ZNF714: variants seen among roughly 807,000 people sequenced by gnomAD.
ZNF714 encodes zinc finger protein 714.
ZNF714 carries 32 observed loss-of-function variants against 46.2 expected under a neutral mutation model. The ratio of observed to expected loss-of-function variants is 0.69; its 90% CI spans 0.52 to 0.93. ZNF714 has a LOEUF of 0.93. Ranked by LOEUF, ZNF714 falls within the 40% of genes least tolerant of loss-of-function variation. The probability of loss-of-function intolerance (pLI) is 0.00; values close to 1 mark genes in which losing one functional copy is unlikely to be tolerated. For missense variants in ZNF714, 635 were observed against 646.3 expected, an observed-to-expected ratio of 0.98 and a Z score of 0.19; for synonymous variants, 199 against 213.1, an observed-to-expected ratio of 0.93 and a Z score of 0.58.
chr19:21,093,585 C>G (rs570616421), intron 2 of ZNF714, among the ~76,000 whole-genome samples: 1 of 152,048 alleles, frequency 6.6e-6, no homozygotes, highest in Admixed American at 6.5e-5. Context: ...AATCTTCCAT[C>G]ATGTTTACAT....
rs186022340 is a variant in ZNF714, at chr19:21,118,072, A to G, written c.1408A>G (p.Lys470Glu). The change falls in exon 5 of 5, where the codon AAA becomes GAA. Residue 470 changes from lysine to glutamate, a missense_variant. Coordinates refer to ENST00000456283, the MANE Select transcript of ZNF714 (RefSeq NM_182515.4). ...KAFNRSSNLT[K>E]HNIIHTGEKS... Reference sequence around the variant, plus strand: ...TTTCAACCGATCCTCAAACCTTACTAAACATAACATAATTCATACTGGAGA... The same window carrying G: ...TTTCAACCGATCCTCAAACCTTACTGAACATAACATAATTCATACTGGAGA... 1 of 1,613,984 alleles carries G rather than the reference A, an allele frequency of 6.2e-7. No individual in the cohort carries two copies. Among genetic ancestry groups the G allele is most frequent in the East Asian group, 2.2e-5 (1 of 44,888 alleles).
chr19:21,089,830 CAG>C (rs892328491), intron 2 of ZNF714, among the ~76,000 whole-genome samples: 1 of 124,682 alleles, frequency 8.0e-6, no homozygotes, highest in Non-Finnish European at 1.8e-5. Context: ...AGGAGATAAA[CAG>C]TAATTTTTTT....
chr19:21,092,815 A>G (rs972729351), intron 2 of ZNF714, among the ~76,000 whole-genome samples: 2 of 151,874 alleles, frequency 1.3e-5, no homozygotes, highest in African/African-American at 2.4e-5. Context: ...GCTCTTATCA[A>G]TGAGAACATG....
Position 21,098,200 on chromosome 19 carries a change from A to T in ZNF714, c.-69A>T. ...TGTTTTTCAGGAGACGTTGACATTT[A>T]GGGATGTGGCCATAGAATTCTCTCT... On this transcript the variant is annotated 5_prime_UTR_variant, in exon 3 of 5. Transcript: ENST00000456283. The T allele has an allele frequency of 6.2e-7, 1 of 1,611,328 alleles. No homozygotes were observed. Among genetic ancestry groups the T allele is most frequent in the South Asian group, 1.1e-5 (1 of 90,428 alleles).
rs975915892 is a variant in ZNF714, at chr19:21,116,825, C to T, written c.161C>T (p.Thr54Ile). Reference protein sequence around the residue: ...DESPAMCSSFTRDLWPEQDIK... With the variant: ...DESPAMCSSFIRDLWPEQDIK... ...CTTTCAGCTATGTGTTCTTCTTTTA[C>T]CAGAGACCTTTGGCCAGAGCAAGAC... The change falls in exon 5 of 5, where the codon ACC (threonine) becomes ATC (isoleucine). Residue 54 changes from threonine (T) to isoleucine (I), a missense_variant. Transcript: ENST00000456283. 3.1e-6 allele frequency: 5 copies of T among 1,596,520 alleles called. No individual in the cohort carries two copies. Among genetic ancestry groups the T allele is most frequent in the Non-Finnish European group, 4.3e-6 (5 of 1,174,854 alleles).
In ZNF714 at chr19:21,121,568, T is replaced by G. The variant is rs1257791649; in HGVS notation, c.*3236T>G. On this transcript the variant is annotated 3_prime_UTR_variant, in exon 5 of 5. Coordinates refer to ENST00000456283, the MANE Select transcript of ZNF714 (RefSeq NM_182515.4). ...TCACATAGAGTTAAATATGTATTAG[T>G]CTAAAGACAAACTTTAGGTGTAAGA... is the stretch of plus-strand genomic sequence containing the variant. 1.3e-5 allele frequency: 2 copies of G among 152,196 alleles called. No homozygotes were observed. The highest frequency in any genetic ancestry group is 2.9e-5 in the Non-Finnish European group (2 of 68,024). 9.4% of individuals were successfully genotyped at this position (152,196 alleles called of 1,614,324 possible).
chr19:21,122,488 T>C lies in ZNF714; in HGVS notation c.*4156T>C, dbSNP rs1412720994. ...AGCTGATTGTGGTGGCATCCACCTGTAGCCCAGCTACTCAGGAGGCTGAGG... is the reference window on the plus strand; with the variant it reads ...AGCTGATTGTGGTGGCATCCACCTGCAGCCCAGCTACTCAGGAGGCTGAGG... On this transcript the variant is annotated 3_prime_UTR_variant, in exon 5 of 5. Coordinates refer to ENST00000456283, the MANE Select transcript of ZNF714 (RefSeq NM_182515.4). 6.6e-6 allele frequency: 1 copy of C among 152,180 alleles called. No individual in the cohort carries two copies. The highest frequency in any genetic ancestry group is 1.5e-5 in the Non-Finnish European group (1 of 68,062). The allele number at this position is 152,180 out of a possible 1,614,324, so 9.4% of individuals were successfully genotyped here.
chr19:21,086,135 T>C (rs1370700419), intron 2 of ZNF714, among the ~76,000 whole-genome samples: 1 of 151,672 alleles, frequency 6.6e-6, no homozygotes, highest in Non-Finnish European at 1.5e-5. Flanking sequence ...TGACTCAGAC[T>C]GAGAATAGTT....
rs1969686680 is a variant in ZNF714 at position 21,120,481 on chromosome 19, GGTT to G, written c.*2151_*2153del. 6.6e-6 allele frequency: 1 copy of G among 152,208 alleles called. No individual in the cohort carries two copies. The highest frequency in any genetic ancestry group is 1.5e-5 in the Non-Finnish European group (1 of 68,036). 9.4% of individuals were successfully genotyped at this position (152,208 alleles called of 1,614,324 possible). ...ACTTATAATATTGAGTGGTGCATGA[GGTT>G]GGTGTTCAGAGTAATATTCTGCATT... is the stretch of plus-strand genomic sequence containing the variant. On this transcript the variant is annotated 3_prime_UTR_variant, in exon 5 of 5. Coordinates refer to ENST00000456283, the MANE Select transcript of ZNF714 (RefSeq NM_182515.4).
At position 21,116,928 on chromosome 19, in the gene ZNF714, C is replaced by T; in HGVS notation, c.264C>T (p.Gly88=). 3 of 1,613,810 alleles carry T rather than the reference C, an allele frequency of 1.9e-6. No individual in the cohort carries two copies. Among genetic ancestry groups the T allele is most frequent in the Non-Finnish European group, 2.5e-6 (3 of 1,179,880 alleles). The change falls in exon 5 of 5, where the codon GGC becomes GGT. Residue 88 remains glycine, a synonymous_variant. Transcript: ENST00000456283. ...CEHENLQLRK[G]SANVVECKVY... ...ATGAGAATTTACAGTTAAGAAAAGGCTCCGCAAATGTGGTTGAGTGTAAGG... is the reference window on the plus strand; with the variant it reads ...ATGAGAATTTACAGTTAAGAAAAGGTTCCGCAAATGTGGTTGAGTGTAAGG...
intron 1 of ZNF714, among the ~76,000 whole-genome samples, chr19:21,083,659 C>T (rs936452318): frequency 6.6e-5 from 10 of 152,122 alleles, no homozygotes; most frequent in African/African-American, 2.2e-4. Flanking sequence ...CTTTAAATGA[C>T]GCTTTTTAAA....
At chr19:21,085,546 T>A (rs1968756275) in intron 2 of ZNF714, among the ~76,000 whole-genome samples, 1 of 152,286 alleles carries the variant, frequency 6.6e-6, no homozygotes, top group Non-Finnish European at 1.5e-5. Flanking sequence ...TTCAAACACG[T>A]AGTTTCAAAA....
intron 4 of ZNF714, among the ~76,000 whole-genome samples, chr19:21,114,184 A>G (rs1969530603): frequency 6.6e-6 from 1 of 151,970 alleles, no homozygotes; most frequent in African/African-American, 2.4e-5. Context: ...CACGCCTGTA[A>G]TCCCAGCACT....
rs994085927 is a variant in ZNF714 at position 21,123,332 on chromosome 19, G to T, written c.*5000G>T. Among the ~76,000 whole-genome samples the T allele has an allele frequency of 1.3e-5, 2 of 151,922 alleles. No homozygotes were observed. Among genetic ancestry groups the T allele is most frequent in the African/African-American group, 2.4e-5 (1 of 41,488 alleles). ...ATTTTTAAGAGAGTTAATAGTAAAC[G>T]AATTTAATTTTCTTTTTTTATTTTT... On this transcript the variant is annotated 3_prime_UTR_variant, in exon 5 of 5. Coordinates refer to ENST00000456283, the MANE Select transcript of ZNF714 (RefSeq NM_182515.4).
At chr19:21,095,216 T>C (rs554903510) in intron 2 of ZNF714, among the ~76,000 whole-genome samples, 4 of 152,206 alleles carry the variant, frequency 2.6e-5, no homozygotes, top group Non-Finnish European at 5.9e-5. Context: ...CATAATGTCC[T>C]CTGGAATGTG....
intron 2 of ZNF714, among the ~76,000 whole-genome samples, chr19:21,088,806 C>T (rs1232181498): frequency 2.0e-5 from 3 of 152,150 alleles, no homozygotes; most frequent in African/African-American, 4.8e-5. Flanking sequence ...CATGTAGTTT[C>T]TATGGCTTAA....
In ZNF714 at chr19:21,119,565, T is replaced by G. The variant is rs1297592954; in HGVS notation, c.*1233T>G. Reference sequence around the variant, plus strand: ...AAGCACTTTCACACTTTGTTCAATATCAGGGAATTTATATTGAAGAAAAAT... The same window carrying G: ...AAGCACTTTCACACTTTGTTCAATAGCAGGGAATTTATATTGAAGAAAAAT... On this transcript the variant is annotated 3_prime_UTR_variant, in exon 5 of 5. Coordinates refer to ENST00000456283, the MANE Select transcript of ZNF714 (RefSeq NM_182515.4). 6.6e-6 allele frequency: 1 copy of G among 152,258 alleles called. No individual in the cohort carries two copies. Among genetic ancestry groups the G allele is most frequent in the East Asian group, 1.9e-4 (1 of 5,194 alleles). The allele number at this position is 152,258 out of a possible 1,614,324, so 9.4% of individuals were successfully genotyped here.
At chr19:21,100,913 G>C (rs1358354503) in intron 4 of ZNF714, among the ~76,000 whole-genome samples, 2 of 152,054 alleles carry the variant, frequency 1.3e-5, no homozygotes, top group Non-Finnish European at 2.9e-5. Flanking sequence ...GTTTCACTAT[G>C]TTGGCCAGGC....
At chr19:21,111,135 A>G (rs1969441429) in intron 4 of ZNF714, among the ~76,000 whole-genome samples, 1 of 152,178 alleles carries the variant, frequency 6.6e-6, no homozygotes, top group Admixed American at 6.6e-5. Flanking sequence ...GAATATCAGT[A>G]GTAGTTTAGT....
Sources: gnomAD v4.1 joint callset for allele counts (sites outside exome capture counted in the v4.1 genomes callset) on GRCh38, gnomAD v4.1.1 for gene constraint, MANE v1.5 for transcripts, NCBI Gene and HGNC (gene_info 2026-07-23, HGNC 2026-07-21) for gene names.